SCN11A: variants seen among roughly 807,000 people sequenced by gnomAD.
The protein encoded by SCN11A is sodium voltage-gated channel alpha subunit 11.
A neutral mutation model predicts 162.2 loss-of-function variants in SCN11A; 122 were observed. The ratio of observed to expected loss-of-function variants is 0.75; its 90% CI spans 0.65 to 0.87. SCN11A has a LOEUF of 0.87. Among genes scored for constraint, SCN11A ranks in the 40% least tolerant of loss-of-function variants. The pLI, the probability that SCN11A is intolerant of heterozygous loss-of-function variation, is 0.00. For missense variants in SCN11A, 2,015 were observed against 2,181.6 expected, an observed-to-expected ratio of 0.92 and a Z score of 1.52; for synonymous variants, 758 against 751.5, an observed-to-expected ratio of 1.01 and a Z score of -0.14.
intron 28 of SCN11A, among the ~76,000 whole-genome samples, chr3:38,857,639 C>T (rs887621698): frequency 3.3e-5 from 5 of 151,910 alleles, no homozygotes; most frequent in Admixed American, 6.6e-5. Flanking sequence ...ATAAGAAGCT[C>T]GAAGAACTTC....
intron 2 of SCN11A, among the ~76,000 whole-genome samples, chr3:39,017,130 C>G (rs1401599069): frequency 6.6e-6 from 1 of 152,042 alleles, no homozygotes; most frequent in Admixed American, 6.5e-5. Flanking sequence ...AATTAGAGAT[C>G]TTATAAAAAT....
chr3:39,002,005 T>C (rs1436776218), intron 2 of SCN11A, among the ~76,000 whole-genome samples: 1 of 151,716 alleles, frequency 6.6e-6, no homozygotes, highest in Non-Finnish European at 1.5e-5. Flanking sequence ...CCACTGCACT[T>C]CAGCCTGGGC....
At chr3:38,939,680 G>C (rs888970950) in intron 7 of SCN11A, among the ~76,000 whole-genome samples, 1 of 152,046 alleles carries the variant, frequency 6.6e-6, no homozygotes, top group Non-Finnish European at 1.5e-5. Flanking sequence ...GAGGCGGGTG[G>C]ATCATCTGAG....
intron 28 of SCN11A, among the ~76,000 whole-genome samples, chr3:38,855,231 G>A (rs570778563): frequency 5.3e-5 from 8 of 152,292 alleles, no homozygotes; most frequent in Admixed American, 3.3e-4. Flanking sequence ...GGAGCTGGGC[G>A]AGGCCTTTCA....
In SCN11A at chr3:39,005,198, T is replaced by C. The variant is rs551408622; in HGVS notation, c.-280+27182A>G. The stretch of plus-strand genomic sequence containing the variant: ...TGAGTTGATTTTTAACTACTGGATT[T>C]AGGCCAGGCAGGCCCAGGCCTGGTT... On this transcript the variant is annotated intron_variant, in intron 2 of 29. Transcript: ENST00000302328. Among the ~76,000 whole-genome samples the C allele has an allele frequency of 2.0e-3, 309 of 152,368 alleles. 2 individuals are homozygous for C. The highest frequency in any genetic ancestry group is 7.0e-3 in the African/African-American group (293 of 41,588).
chr3:38,935,539 G>A lies in SCN11A; in HGVS notation c.489-8608C>T, dbSNP rs924071876. On this transcript the variant is annotated intron_variant, in intron 7 of 29. Coordinates refer to ENST00000302328, the MANE Select transcript of SCN11A (RefSeq NM_001349253.2). ...AATAGAAGCAATAAAAAATGATAAA[G>A]GGGATATCACCACCGATCCCACAGA... 8.5e-5 allele frequency among the ~76,000 whole-genome samples: 13 copies of A among 152,150 alleles called. 1 individual carries two copies. Among genetic ancestry groups the A allele is most frequent in the African/African-American group, 2.9e-4 (12 of 41,438 alleles).
chr3:38,873,073 C>T (rs2065154873), intron 23 of SCN11A, among the ~76,000 whole-genome samples: 1 of 152,156 alleles, frequency 6.6e-6, no homozygotes, highest in African/African-American at 2.4e-5. Flanking sequence ...TATTAGAAAG[C>T]TCTGTTAAGT....
At chr3:38,972,013 C>T (rs1287688300) in intron 2 of SCN11A, among the ~76,000 whole-genome samples, 1 of 152,134 alleles carries the variant, frequency 6.6e-6, no homozygotes, top group Non-Finnish European at 1.5e-5. Context: ...ATGGAATACA[C>T]AGAAGAGCTG....
chr3:38,943,124 G>C (rs1465446984), intron 7 of SCN11A, among the ~76,000 whole-genome samples: 1 of 150,910 alleles, frequency 6.6e-6, no homozygotes, highest in African/African-American at 2.4e-5. Context: ...ATCCAACTTA[G>C]CAACAAAAAG....
At position 38,892,744 on chromosome 3, in the gene SCN11A, T is replaced by C. The variant is rs182460936; in HGVS notation, c.2835+1789A>G. On this transcript the variant is annotated intron_variant, in intron 19 of 29. Transcript: ENST00000302328. ...CAATACAAAAACAGGAGAGAGGAAA[T>C]AGAGCTATATATGAGTAATATTTCT... Among the ~76,000 whole-genome samples the C allele has an allele frequency of 2.6e-3, 396 of 152,108 alleles. 2 individuals carry two copies. Among genetic ancestry groups the C allele is most frequent in the Middle Eastern group, 0.014 (4 of 294 alleles).
chr3:39,035,004 G>A (rs1271200424), intron 1 of SCN11A, among the ~76,000 whole-genome samples: 1 of 152,072 alleles, frequency 6.6e-6, no homozygotes, highest in Non-Finnish European at 1.5e-5. Context: ...AATTAATATT[G>A]TTAAAATGTC....
chr3:38,851,046 T>C lies in SCN11A; in HGVS notation c.4057-295A>G, dbSNP rs375189252. 1.2e-4 allele frequency among the ~76,000 whole-genome samples: 19 copies of C among 152,324 alleles called. No individual in the cohort carries two copies. The South Asian group carries it at 3.5e-3, about 28-fold the overall frequency. On this transcript the variant is annotated intron_variant, in intron 28 of 29. Coordinates refer to ENST00000302328, the MANE Select transcript of SCN11A (RefSeq NM_001349253.2). ...TAGTAACAACATAACTTTGATGTGA[T>C]TGATGATGTGCTTTGCTGAAATAAA...
At chr3:38,870,337 T>C (rs999461763) in intron 26 of SCN11A, among the ~76,000 whole-genome samples, 48 of 152,202 alleles carry the variant, frequency 3.2e-4, no homozygotes, top group Non-Finnish European at 1.6e-4. Context: ...ACAGATACTC[T>C]TTGAAATTTG....
At chr3:38,985,642 T>A (rs2030214394) in intron 2 of SCN11A, among the ~76,000 whole-genome samples, 1 of 150,956 alleles carries the variant, frequency 6.6e-6, no homozygotes, top group South Asian at 2.1e-4. Flanking sequence ...GGGAAGAGTA[T>A]AATCAAGGCT....
At chr3:38,853,915 C>G (rs2064825261) in intron 28 of SCN11A, among the ~76,000 whole-genome samples, 1 of 152,128 alleles carries the variant, frequency 6.6e-6, no homozygotes, top group Non-Finnish European at 1.5e-5. Flanking sequence ...CTCAATTAGA[C>G]TGCAAGCACA....
intron 23 of SCN11A, among the ~76,000 whole-genome samples, chr3:38,878,168 T>TAATAAATAAATA (rs71085341): frequency 0.01 from 1,510 of 148,352 alleles, 23 homozygotes; most frequent in African/African-American, 0.024. Context: ...TATTGAAATA[T>TAATAAATAAATA]AATAAATAAA....
chr3:39,041,560 T>C (rs1432261142), intron 1 of SCN11A, among the ~76,000 whole-genome samples: 2 of 152,140 alleles, frequency 1.3e-5, no homozygotes, highest in Non-Finnish European at 2.9e-5. Context: ...ATATTCAAAG[T>C]GCTGTAAGAA....
chr3:39,001,185 TA>T (rs1222393226), intron 2 of SCN11A, among the ~76,000 whole-genome samples: 1 of 152,252 alleles, frequency 6.6e-6, no homozygotes, highest in East Asian at 1.9e-4. Context: ...TGGCTTTTGA[TA>T]TATTCACAAT....
intron 7 of SCN11A, among the ~76,000 whole-genome samples, chr3:38,936,339 T>C (rs1392291422): frequency 2.7e-5 from 4 of 148,314 alleles, no homozygotes; most frequent in Non-Finnish European, 6.0e-5. Flanking sequence ...TCACCACTCC[T>C]ATTCAACATA....
Sources: gnomAD v4.1 joint callset for allele counts (sites outside exome capture counted in the v4.1 genomes callset) on GRCh38, gnomAD v4.1.1 for gene constraint, MANE v1.5 for transcripts, NCBI Gene and HGNC (gene_info 2026-07-23, HGNC 2026-07-21) for gene names.